SINHCAF: variants seen among roughly 807,000 people sequenced by gnomAD.
SINHCAF encodes SIN3-HDAC complex-associated factor.
SINHCAF carries 3 observed loss-of-function variants against 25.8 expected under a neutral mutation model. That is an observed-to-expected ratio of 0.12 (90% CI 0.05 to 0.30). The LOEUF is 0.30. Among genes scored for constraint, SINHCAF ranks in the 10% least tolerant of loss-of-function variants. The probability of loss-of-function intolerance (pLI) is 1.00; values close to 1 mark genes in which losing one functional copy is unlikely to be tolerated. For synonymous variants in SINHCAF, 70 were observed against 85.5 expected, an observed-to-expected ratio of 0.82 and a Z score of 1.00; for missense variants, 121 against 262.3, an observed-to-expected ratio of 0.46 and a Z score of 3.72.
rs370844911 is a variant in SINHCAF, at chr12:31,305,506, G to T, written c.-20-7282C>A. ...TGGATCAAAGGTTGAGCAATACCAA[G>T]GGGAGTGCCTTCAGCCTAGCAGAGG... On this transcript the variant is annotated intron_variant, in intron 1 of 5. Transcript: ENST00000337682. Among the ~76,000 whole-genome samples, 126 of 152,222 alleles carry T rather than the reference G, an allele frequency of 8.3e-4. No individual in the cohort carries two copies. The Middle Eastern group carries it at 0.024, about 29-fold the overall frequency.
At chr12:31,296,210 G>C (rs1938543459) in intron 2 of SINHCAF, among the ~76,000 whole-genome samples, 1 of 152,068 alleles carries the variant, frequency 6.6e-6, no homozygotes, top group Non-Finnish European at 1.5e-5. Context: ...CTGTCACGCA[G>C]GCTGGAGTAC....
At chr12:31,316,800 T>C (rs1349267817) in intron 1 of SINHCAF, among the ~76,000 whole-genome samples, 3 of 152,204 alleles carry the variant, frequency 2.0e-5, no homozygotes, top group Admixed American at 6.5e-5. Flanking sequence ...ATGCAAATTT[T>C]AGAGCTTTAG....
intron 1 of SINHCAF, among the ~76,000 whole-genome samples, chr12:31,302,237 T>C (rs1938825961): frequency 6.6e-6 from 1 of 152,016 alleles, no homozygotes; most frequent in Non-Finnish European, 1.5e-5. Context: ...GATTATGAAC[T>C]GTCATTCGTC....
At chr12:31,321,346 A>T (rs1350567474) in intron 1 of SINHCAF, among the ~76,000 whole-genome samples, 2 of 152,206 alleles carry the variant, frequency 1.3e-5, no homozygotes, top group Non-Finnish European at 2.9e-5. Context: ...TGAAAAGACA[A>T]CCAAGAGTCA....
chr12:31,294,558 C>T (rs917559429), intron 3 of SINHCAF, among the ~76,000 whole-genome samples: 1 of 152,106 alleles, frequency 6.6e-6, no homozygotes, highest in Non-Finnish European at 1.5e-5. Context: ...CCATTGATCT[C>T]GCCCCATATG....
chr12:31,292,333 T>C (rs894064817), intron 4 of SINHCAF, among the ~76,000 whole-genome samples: 2 of 151,894 alleles, frequency 1.3e-5, no homozygotes, highest in African/African-American at 2.4e-5. Flanking sequence ...ACCCAAACTC[T>C]ACTAAAAATA....
intron 1 of SINHCAF, among the ~76,000 whole-genome samples, chr12:31,312,438 AG>A (rs552457950): frequency 5.9e-4 from 90 of 152,362 alleles, no homozygotes; most frequent in African/African-American, 2.1e-3. Context: ...TACCTTCAGT[AG>A]ATCTTGCTAA....
intron 4 of SINHCAF, among the ~76,000 whole-genome samples, chr12:31,293,386 A>G (rs1369902740): frequency 3.3e-5 from 5 of 152,190 alleles, no homozygotes; most frequent in African/African-American, 4.8e-5. Flanking sequence ...CTGAATTTCA[A>G]TATGTGCGTT....
chr12:31,302,717 AC>A (rs1938855012), intron 1 of SINHCAF, among the ~76,000 whole-genome samples: 1 of 152,042 alleles, frequency 6.6e-6, no homozygotes, highest in Non-Finnish European at 1.5e-5. Flanking sequence ...CAGTGATGTT[AC>A]ACATAAGGTA....
At chr12:31,288,962 A>G (rs931259149) in intron 4 of SINHCAF, among the ~76,000 whole-genome samples, 1 of 152,232 alleles carries the variant, frequency 6.6e-6, no homozygotes, top group Non-Finnish European at 1.5e-5. Context: ...CAGTAAAAAT[A>G]AGATAGAAAA....
intron 4 of SINHCAF, among the ~76,000 whole-genome samples, chr12:31,291,048 C>T (rs867400813): frequency 2.8e-4 from 43 of 151,964 alleles, no homozygotes; most frequent in African/African-American, 9.9e-4. Flanking sequence ...TTAAAAATTA[C>T]GTAGGATTTA....
At chr12:31,300,111 T>TATAATATAGCAA (rs1938725489) in intron 1 of SINHCAF, among the ~76,000 whole-genome samples, 1 of 152,226 alleles carries the variant, frequency 6.6e-6, no homozygotes, top group East Asian at 1.9e-4. Context: ...CCAATTCTGG[T>TATAATATAGCAA]TAGTATAATA....
intron 5 of SINHCAF, 34 bp from the exon 6 acceptor site, chr12:31,282,905 TAAGG>T (rs754765584): frequency 2.0e-6 from 3 of 1,505,144 alleles, no homozygotes; most frequent in Non-Finnish European, 2.7e-6. Flanking sequence ...GATACATTAA[TAAGG>T]AAGAAAAATA....
intron 1 of SINHCAF, among the ~76,000 whole-genome samples, chr12:31,314,255 G>A (rs1054595911): frequency 6.6e-6 from 1 of 152,108 alleles, no homozygotes; most frequent in African/African-American, 2.4e-5. Context: ...GCAGGGCACA[G>A]TGGCTCACGC....
intron 1 of SINHCAF, among the ~76,000 whole-genome samples, chr12:31,307,558 AAGAG>A (rs143612587): frequency 8.6e-5 from 13 of 150,700 alleles, no homozygotes; most frequent in African/African-American, 2.7e-4. Context: ...CTGTCTAAAA[AAGAG>A]AGAGAGAGAG....
chr12:31,311,718 C>A (rs1031361879), intron 1 of SINHCAF: 4 of 508,134 alleles, frequency 7.9e-6, no homozygotes, highest in African/African-American at 1.9e-5. Context: ...GTGAATTTTT[C>A]ATGTCTCCCA....
intron 1 of SINHCAF, among the ~76,000 whole-genome samples, chr12:31,310,792 A>C (rs902993656): frequency 6.6e-6 from 1 of 152,044 alleles, no homozygotes; most frequent in African/African-American, 2.4e-5. Flanking sequence ...TTCATGTTTT[A>C]TCAAAGTGGG....
In SINHCAF at chr12:31,297,830, A is replaced by C. The variant is rs576024313; in HGVS notation, c.128+247T>G. Reference sequence around the variant, plus strand: ...TTAACCACAAAAGGAAGTCAACAACAAAAGGGTTTGTCTAGCTACAACTTT... The same window carrying C: ...TTAACCACAAAAGGAAGTCAACAACCAAAGGGTTTGTCTAGCTACAACTTT... On this transcript the variant is annotated intron_variant, in intron 2 of 5. Transcript: ENST00000337682. Among the ~76,000 whole-genome samples the C allele has an allele frequency of 8.5e-5, 13 of 152,272 alleles. No homozygotes were observed. The South Asian group carries it at 2.7e-3, about 32-fold the overall frequency.
chr12:31,314,507 CAG>C (rs1426547078), intron 1 of SINHCAF, among the ~76,000 whole-genome samples: 1 of 151,014 alleles, frequency 6.6e-6, no homozygotes, highest in African/African-American at 2.4e-5. Context: ...GCCTGGGCAA[CAG>C]AGCGAGACTC....
Sources: gnomAD v4.1 joint callset for allele counts (sites outside exome capture counted in the v4.1 genomes callset) on GRCh38, gnomAD v4.1.1 for gene constraint, MANE v1.5 for transcripts, NCBI Gene and HGNC (gene_info 2026-07-23, HGNC 2026-07-21) for gene names.